The following TDRD6 variants were observed in gnomAD, a reference collection of about 807,000 sequenced individuals.
The protein encoded by TDRD6 is tudor domain containing 6.
TDRD6 carries 186 observed loss-of-function variants against 157.5 expected under a neutral mutation model. The observed-to-expected ratio is 1.18, with a 90% CI of 1.05 to 1.33. The LOEUF (loss-of-function observed/expected upper bound fraction) is 1.33, where lower values mean the gene tolerates loss of function less well. Among genes scored for constraint, TDRD6 ranks in the 40% most tolerant of loss-of-function variants. The pLI is 0.00. For missense variants in TDRD6, 3,066 were observed against 2,508.0 expected (o/e 1.22, Z -4.75); for synonymous variants, 1,075 against 945.2 (o/e 1.14, Z -2.52).
rs1219410185 is a variant in TDRD6 at position 46,691,822 on chromosome 6, A to G, written c.3694A>G (p.Lys1232Glu). 3.1e-6 allele frequency: 5 copies of G among 1,603,968 alleles called. No individual in the cohort carries two copies. Among genetic ancestry groups the G allele is most frequent in the Admixed American group, 1.8e-5 (1 of 56,834 alleles). Residue 1232 changes from lysine (K) to glutamate (E), a missense_variant, in exon 1 of 4, where the codon AAA becomes GAA. Physicochemically the swap from Lys to Glu is moderately conservative, Grantham distance 56. Transcript: ENST00000316081. ...KELKLLQSLT[K>E]TNLVTQYQDS... Reference sequence around the variant, plus strand: ...ACTCAAACTTTTACAAAGTTTAACAAAAACAAACTTAGTCACTCAATATCA... The same window carrying G: ...ACTCAAACTTTTACAAAGTTTAACAGAAACAAACTTAGTCACTCAATATCA...
chr6:46,680,327 A>G, the TDRD6 span, among the ~76,000 whole-genome samples: 1 of 151,944 alleles, frequency 6.6e-6, no homozygotes, highest in Admixed American at 6.6e-5. Context: ...TCTGTCCGTG[A>G]AAGAAAAAAA....
chr6:46,699,484 C>G (rs374406431), intron 3 of TDRD6, among the ~76,000 whole-genome samples: 1 of 152,020 alleles, frequency 6.6e-6, no homozygotes, highest in Non-Finnish European at 1.5e-5. Flanking sequence ...TAGAAATAAA[C>G]ATAACACCAC....
upstream of TDRD6, among the ~76,000 whole-genome samples, chr6:46,686,088 G>A (rs1486864078): frequency 6.6e-6 from 1 of 152,160 alleles, no homozygotes; most frequent in African/African-American, 2.4e-5. Flanking sequence ...ATACCCTGAC[G>A]TCCTAGGATT....
chr6:46,697,276 C>T (rs977164051), intron 2 of TDRD6, among the ~76,000 whole-genome samples: 10 of 152,142 alleles, frequency 6.6e-5, no homozygotes, highest in Admixed American at 4.6e-4. Context: ...CCCATTGCCT[C>T]TACCAGGGAG....
chr6:46,684,110 T>C (rs1257214649), upstream of TDRD6, among the ~76,000 whole-genome samples: 1 of 152,152 alleles, frequency 6.6e-6, no homozygotes, highest in Non-Finnish European at 1.5e-5. Flanking sequence ...CTATGCTCTC[T>C]CTACTCTCAT....
rs964834706 is a variant in TDRD6 at position 46,688,875 on chromosome 6, C to T, written c.747C>T (p.Gly249=). ...LDYFYPQLQL[G]VTEAVVITQV... ...ACTTCTATCCCCAGCTGCAGCTGGG[C>T]GTGACGGAGGCCGTGGTCATAACCC... The change falls in exon 1 of 4, where the codon GGC becomes GGT. Residue 249 remains glycine, a synonymous_variant. Transcript: ENST00000316081. 6 of 1,606,146 alleles carry T rather than the reference C, an allele frequency of 3.7e-6. No homozygotes were observed. The African/African-American group carries it at 6.7e-5, about 18-fold the overall frequency.
Position 46,691,363 on chromosome 6 carries a change from C to T in TDRD6, c.3235C>T (p.Leu1079Phe). The T allele has an allele frequency of 6.2e-7, 1 of 1,614,028 alleles. No homozygotes were observed. Among genetic ancestry groups the T allele is most frequent in the East Asian group, 2.2e-5 (1 of 44,864 alleles). ...TTATGTAGTAACAAGTGATGATCTG[C>T]TTCCAATACCTAGTGATGCATATGA... ...NIYVVTSDDL[L>F]PIPSDAYDVL... The change falls in exon 1 of 4, where the codon CTT (leucine) becomes TTT (phenylalanine). Residue 1079 changes from leucine to phenylalanine, a missense_variant. Coordinates refer to ENST00000316081, the MANE Select transcript of TDRD6 (RefSeq NM_001010870.3).
the TDRD6 span, among the ~76,000 whole-genome samples, chr6:46,680,854 C>T: frequency 2.0e-5 from 3 of 152,096 alleles, no homozygotes; most frequent in African/African-American, 7.2e-5. Flanking sequence ...CCACCACCAC[C>T]TATTCATCTT....
intron 3 of TDRD6, among the ~76,000 whole-genome samples, chr6:46,700,776 G>A (rs1304479381): frequency 6.6e-6 from 1 of 152,148 alleles, no homozygotes; most frequent in Non-Finnish European, 1.5e-5. Flanking sequence ...TTTACTCCCT[G>A]TGTAGAGTGC....
Position 46,689,445 on chromosome 6 carries a change from G to A in TDRD6, c.1317G>A (p.Ser439=), listed in dbSNP as rs756731573. ...INLNRVFGVQ[S]CCLADRVLQS... ...TGAACCGTGTGTTTGGAGTACAGTC[G>A]TGTTGCTTGGCTGACCGAGTCCTTC... The change falls in exon 1 of 4, where the codon TCG becomes TCA. Residue 439 remains serine (S), a synonymous_variant. Transcript: ENST00000316081. 4 of 1,613,226 alleles carry A rather than the reference G, an allele frequency of 2.5e-6. No individual in the cohort carries two copies. Among genetic ancestry groups the A allele is most frequent in the South Asian group, 1.1e-5 (1 of 91,090 alleles).
Position 46,688,174 on chromosome 6 carries a change from C to T in TDRD6, c.46C>T (p.Leu16=), listed in dbSNP as rs1764162282. ...GMPAPGASLA[L]RVSFVDVHPD... is the part of the protein sequence containing the mutation. ...GCCGGCGCCGGGGGCCTCGCTGGCCCTGCGGGTGTCCTTCGTGGACGTGCA... is the reference window on the plus strand; with the variant it reads ...GCCGGCGCCGGGGGCCTCGCTGGCCTTGCGGGTGTCCTTCGTGGACGTGCA... The change falls in exon 1 of 4, where the codon CTG becomes TTG. Residue 16 remains leucine (L), a synonymous_variant. Coordinates refer to ENST00000316081, the MANE Select transcript of TDRD6 (RefSeq NM_001010870.3). 2 of 1,550,310 alleles carry T rather than the reference C, an allele frequency of 1.3e-6. No homozygotes were observed. The highest frequency in any genetic ancestry group is 1.2e-5 in the South Asian group (1 of 85,518).
chr6:46,700,930 AT>A, intron 3 of TDRD6: 1 of 351,616 alleles, frequency 2.8e-6, no homozygotes. Flanking sequence ...CTGTGGTTCC[AT>A]TTCTGATTTG....
chr6:46,695,534 A>G (rs966543851), intron 1 of TDRD6, among the ~76,000 whole-genome samples: 1 of 152,152 alleles, frequency 6.6e-6, no homozygotes, highest in African/African-American at 2.4e-5. Context: ...ACTTGTCTTA[A>G]TAGTACCATA....
Position 46,698,077 on chromosome 6 carries a change from G to C in TDRD6, c.6251G>C (p.Ser2084Thr). The C allele has an allele frequency of 2.5e-6, 4 of 1,602,230 alleles. No individual in the cohort carries two copies. The highest frequency in any genetic ancestry group is 3.4e-6 in the Non-Finnish European group (4 of 1,170,624). ...AATGGCATACCCAAATTGGATAAGA[G>C]TCCACCTGAGGTATGGAATTCTATA... ...VWNGIPKLDK[S>T]PPEKRGLEVM... Residue 2084 changes from serine to threonine, a missense_variant, in exon 3 of 4, where the codon AGT (serine) becomes ACT (threonine). By Grantham distance (58) the Ser-to-Thr change is moderately conservative (BLOSUM62 1). Coordinates refer to ENST00000316081, the MANE Select transcript of TDRD6 (RefSeq NM_001010870.3).
upstream of TDRD6, among the ~76,000 whole-genome samples, chr6:46,684,718 T>C (rs553623389): frequency 2.6e-5 from 4 of 152,330 alleles, no homozygotes; most frequent in Admixed American, 1.3e-4. Context: ...TAGGACCCTT[T>C]GGTATTGATG....
the TDRD6 span, among the ~76,000 whole-genome samples, chr6:46,680,360 T>G: frequency 2.0e-5 from 3 of 151,734 alleles, no homozygotes; most frequent in Admixed American, 6.6e-5. Context: ...CTGAAGTGAT[T>G]GAACTCTAGA....
intron 1 of TDRD6, among the ~76,000 whole-genome samples, chr6:46,694,943 T>C (rs1764454746): frequency 6.6e-6 from 1 of 152,126 alleles, no homozygotes; most frequent in African/African-American, 2.4e-5. Context: ...AGAAAAAAAA[T>C]AGATTTAGGT....
In TDRD6 at chr6:46,692,408, A is replaced by C; in HGVS notation, c.4280A>C (p.Asp1427Ala). The change falls in exon 1 of 4, where the codon GAC becomes GCC. Residue 1427 changes from aspartate (D) to alanine (A), a missense_variant. Physicochemically the swap from Asp to Ala is moderately radical, Grantham distance 126. Coordinates refer to ENST00000316081, the MANE Select transcript of TDRD6 (RefSeq NM_001010870.3). ...HCSLQGFEVP[D>A]NKNSKKMMHY... Reference sequence around the variant, plus strand: ...TCCTTGCAGGGATTTGAGGTTCCTGACAATAAAAATTCTAAGAAAATGATG... The same window carrying C: ...TCCTTGCAGGGATTTGAGGTTCCTGCCAATAAAAATTCTAAGAAAATGATG... 6.2e-7 allele frequency: 1 copy of C among 1,614,186 alleles called. No homozygotes were observed. Among genetic ancestry groups the C allele is most frequent in the South Asian group, 1.1e-5 (1 of 91,076 alleles).
Position 46,691,788 on chromosome 6 carries a change from A to C in TDRD6, c.3660A>C (p.Ser1220=). The change falls in exon 1 of 4, where the codon TCA becomes TCC. Residue 1220 remains serine (S), a synonymous_variant. Coordinates refer to ENST00000316081, the MANE Select transcript of TDRD6 (RefSeq NM_001010870.3). ...EESYKPQINS[S]YKELKLLQSL... ...CATATAAACCTCAGATCAACTCATC[A>C]TACAAGGAACTCAAACTTTTACAAA... The C allele has an allele frequency of 6.2e-7, 1 of 1,602,660 alleles. No individual in the cohort carries two copies. The highest frequency in any genetic ancestry group is 8.5e-7 in the Non-Finnish European group (1 of 1,177,276).
Sources: allele counts gnomAD v4.1 joint callset (sites outside exome capture counted in the v4.1 genomes callset), GRCh38; gene constraint gnomAD v4.1.1; transcripts MANE v1.5; gene names NCBI Gene and HGNC (gene_info 2026-07-23, HGNC 2026-07-21).